Variants in PROM1 observed in about 807,000 individuals in gnomAD.
PROM1 encodes the protein prominin-1.
A neutral mutation model predicts 116.9 loss-of-function variants in PROM1; 105 were observed. The observed-to-expected ratio is 0.90, with a 90% CI of 0.77 to 1.06. The LOEUF is 1.06. PROM1 is among the 50% of genes least tolerant of loss of function. The probability of loss-of-function intolerance (pLI) is 0.00; values close to 1 mark genes in which losing one functional copy is unlikely to be tolerated. For synonymous variants in PROM1, 393 were observed against 387.0 expected (o/e 1.02, Z -0.18); for missense variants, 1,122 against 1,045.2 (o/e 1.07, Z -1.01).
At chr4:16,061,893 T>G (rs1278184244) in intron 2 of PROM1, among the ~76,000 whole-genome samples, 3 of 145,824 alleles carry the variant, frequency 2.1e-5, no homozygotes, top group Admixed American at 2.0e-4. Context: ...ATTTCCTTTT[T>G]TTTTTTTTTT....
chr4:16,054,131 C>T (rs768861555), intron 2 of PROM1, among the ~76,000 whole-genome samples: 1 of 152,124 alleles, frequency 6.6e-6, no homozygotes, highest in Non-Finnish European at 1.5e-5. Flanking sequence ...AGACGTCTTA[C>T]CTCCCTTGCA....
chr4:16,005,668 C>T (rs910643933), intron 13 of PROM1, among the ~76,000 whole-genome samples: 2 of 152,126 alleles, frequency 1.3e-5, no homozygotes, highest in African/African-American at 4.8e-5. Context: ...TGAGAGAACA[C>T]GACTCAGGTT....
chr4:16,004,811 C>A (rs1323808967), intron 13 of PROM1, among the ~76,000 whole-genome samples: 1 of 118,804 alleles, frequency 8.4e-6, no homozygotes, highest in East Asian at 2.4e-4. Flanking sequence ...GCTAATCTTT[C>A]TTTCTTTCTT....
chr4:15,989,824 G>T lies in PROM1; in HGVS notation c.1984C>A (p.Pro662Thr), dbSNP rs1171955918. The stretch of plus-strand genomic sequence containing the variant: ...AGGGAGTTCCTCAAATTTCCTGGGG[G>T]CTACAAAAAGAATAAAAAACAAAGA... Reference protein sequence around the residue: ...YDLEAKANSLPPGNLRNSLKR... With the variant: ...YDLEAKANSLTPGNLRNSLKR... The change falls in exon 19 of 28, where the codon CCC (proline) becomes ACC (threonine). Residue 662 changes from proline to threonine, a missense_variant and splice_region_variant. Transcript: ENST00000447510. 5 of 1,593,294 alleles carry T rather than the reference G, an allele frequency of 3.1e-6. No individual in the cohort carries two copies. The African/African-American group carries it at 4.0e-5, about 13-fold the overall frequency.
chr4:16,052,586 T>C (rs1738134343), intron 2 of PROM1, among the ~76,000 whole-genome samples: 1 of 152,120 alleles, frequency 6.6e-6, no homozygotes, highest in South Asian at 2.1e-4. Flanking sequence ...CAGGTGATCC[T>C]CCCACCTCAG....
At chr4:16,042,230 C>T (rs62290901) in intron 2 of PROM1, among the ~76,000 whole-genome samples, 4 of 152,174 alleles carry the variant, frequency 2.6e-5, no homozygotes, top group Non-Finnish European at 5.9e-5. Context: ...TTGCAAAGTG[C>T]GTATCCACCA....
intron 7 of PROM1, among the ~76,000 whole-genome samples, chr4:16,024,069 A>C (rs533665031): frequency 8.3e-4 from 126 of 152,342 alleles, no homozygotes; most frequent in Middle Eastern, 6.8e-3. Context: ...CTTTCCAGTA[A>C]GTGTAAAATG....
At chr4:16,005,741 C>T (rs1327708700) in intron 13 of PROM1, among the ~76,000 whole-genome samples, 1 of 152,178 alleles carries the variant, frequency 6.6e-6, no homozygotes, top group African/African-American at 2.4e-5. Flanking sequence ...AGCCCCATCT[C>T]ACTCCCTACT....
At chr4:16,046,978 G>A (rs200577674) in intron 2 of PROM1, among the ~76,000 whole-genome samples, 3 of 152,206 alleles carry the variant, frequency 2.0e-5, no homozygotes, top group East Asian at 3.8e-4. Flanking sequence ...TCCCTAGAGA[G>A]ACAGAGCCAA....
chr4:15,969,711 G>A (rs1011532599), intron 27 of PROM1, among the ~76,000 whole-genome samples: 1 of 152,014 alleles, frequency 6.6e-6, no homozygotes, highest in Non-Finnish European at 1.5e-5. Flanking sequence ...AAGTAGCTGG[G>A]ACTACAGGCA....
intron 2 of PROM1, among the ~76,000 whole-genome samples, chr4:16,069,963 C>T (rs1206413818): frequency 1.3e-5 from 2 of 152,122 alleles, no homozygotes; most frequent in East Asian, 1.9e-4. Context: ...TGGCCACCTG[C>T]GATTGGCTGA....
At position 15,984,352 on chromosome 4, in the gene PROM1, T is replaced by G. The variant is rs202029748; in HGVS notation, c.2284A>C (p.Ser762Arg). The G allele has an allele frequency of 3.8e-6, 6 of 1,585,768 alleles. No homozygotes were observed. Among genetic ancestry groups the G allele is most frequent in the Non-Finnish European group, 5.2e-6 (6 of 1,164,160 alleles). Residue 762 changes from serine (S) to arginine (R), a missense_variant, in exon 23 of 28, where the codon AGT becomes CGT. By Grantham distance (110) the Ser-to-Arg change is moderately radical. Transcript: ENST00000447510. ...HYLQWIEFSI[S>R]EKVASCKPVA... ...GGTTTGCACGATGCCACTTTCTCAC[T>G]GATCTAGGGGGGTGGAAACACAGGG...
intron 13 of PROM1, among the ~76,000 whole-genome samples, chr4:16,004,471 C>T (rs1249453333): frequency 2.0e-5 from 3 of 152,050 alleles, no homozygotes; most frequent in Admixed American, 2.0e-4. Flanking sequence ...AATAAAATTT[C>T]GATGAGGGGT....
chr4:16,051,929 C>T (rs895818769), intron 2 of PROM1, among the ~76,000 whole-genome samples: 1 of 152,192 alleles, frequency 6.6e-6, no homozygotes, highest in African/African-American at 2.4e-5. Flanking sequence ...ATGACATCTT[C>T]TAATTTGCTT....
Position 15,979,405 on chromosome 4 carries a change from C to A in PROM1, c.2572G>T (p.Val858Phe), listed in dbSNP as rs1293714106. ...KDHVYGIHNPVMTSPSQH is the reference protein window; with the variant it reads ...KDHVYGIHNPFMTSPSQH ...CAGACTTTGCTTTACCTTGTCATAA[C>A]AGGATTGTGAATACCATATACATGA... is the stretch of plus-strand genomic sequence containing the variant. The change falls in exon 26 of 28, where the codon GTT becomes TTT. Residue 858 changes from valine (V) to phenylalanine (F), a missense_variant. Coordinates refer to ENST00000447510, the MANE Select transcript of PROM1 (RefSeq NM_006017.3). The A allele has an allele frequency of 6.2e-7, 1 of 1,613,720 alleles. No homozygotes were observed. Among genetic ancestry groups the A allele is most frequent in the East Asian group, 2.2e-5 (1 of 44,848 alleles).
At chr4:16,031,843 T>A (rs1732763007) in intron 5 of PROM1, among the ~76,000 whole-genome samples, 1 of 152,230 alleles carries the variant, frequency 6.6e-6, no homozygotes, top group Admixed American at 6.5e-5. Context: ...AGCAAAAGTA[T>A]GTCTTTGCTT....
chr4:16,018,661 A>C, intron 8 of PROM1, 121 bp from the exon 9 acceptor site: 1 of 813,508 alleles, frequency 1.2e-6, no homozygotes, highest in Non-Finnish European at 2.0e-6. Flanking sequence ...AGAGGGACAC[A>C]CTGCAAGGGG....
At chr4:16,015,184 A>G (rs1207163710) in intron 10 of PROM1, among the ~76,000 whole-genome samples, 1 of 151,334 alleles carries the variant, frequency 6.6e-6, no homozygotes, top group Non-Finnish European at 1.5e-5. Flanking sequence ...CATCTCTACT[A>G]AAAATACAAA....
chr4:16,000,705 A>G, intron 13 of PROM1, 86 bp from the exon 14 acceptor site: 1 of 1,183,350 alleles, frequency 8.5e-7, no homozygotes, highest in East Asian at 2.6e-5. Context: ...TATACTCTAT[A>G]AAATAGCCCT....
Sources: allele counts gnomAD v4.1 joint callset (sites outside exome capture counted in the v4.1 genomes callset), GRCh38; gene constraint gnomAD v4.1.1; transcripts MANE v1.5; gene names NCBI Gene and HGNC (gene_info 2026-07-23, HGNC 2026-07-21).